Variants in ELFN1 observed in about 807,000 individuals in gnomAD.
ELFN1 encodes protein ELFN1.
ELFN1 carries 6 observed loss-of-function variants against 7.6 expected under a neutral mutation model. The ratio of observed to expected loss-of-function variants is 0.79; its 90% confidence interval spans 0.43 to 1.56. ELFN1 has a LOEUF of 1.56. ELFN1 is among the 40% of genes most tolerant of loss of function. The pLI is 0.01. For missense variants in ELFN1, 1,169 were observed against 1,232.2 expected (o/e 0.95, Z 0.77); for synonymous variants, 657 against 588.1 (o/e 1.12, Z -1.70).
At chr7:1,702,015 C>T (rs1235458699) in intron 2 of ELFN1, among the ~76,000 whole-genome samples, 1 of 152,064 alleles carries the variant, frequency 6.6e-6, no homozygotes, top group African/African-American at 2.4e-5. Flanking sequence ...TTAAGGGCTG[C>T]CTCTTGGGTC....
rs2128605405 is a variant in ELFN1 at position 1,744,324 on chromosome 7, G to A, written c.-273G>A. The A allele has an allele frequency of 2.2e-6, 1 of 448,306 alleles. No homozygotes were observed. The highest frequency in any genetic ancestry group is 5.7e-4 in the Middle Eastern group (1 of 1,746). 27.8% of individuals were successfully genotyped at this position (448,306 alleles called of 1,614,324 possible). The stretch of plus-strand genomic sequence containing the variant: ...TGCAGCAGGAACGTCGGAGCAGGAG[G>A]AGTCAGTGGAGCCATCAGGACACCC... On this transcript the variant is annotated 5_prime_UTR_variant, in exon 4 of 4. Coordinates refer to ENST00000424383, the MANE Select transcript of ELFN1 (RefSeq NM_001128636.4).
In ELFN1 at chr7:1,739,827, C is replaced by A. The variant is rs758054116; in HGVS notation, c.-293-4477C>A. On this transcript the variant is annotated intron_variant, in intron 3 of 3. Transcript: ENST00000424383. The surrounding 1 kb of genome is among the most constrained non-coding windows in gnomAD (Gnocchi z 4.6). ...CTCAGAGGGCCCGAGGGGGGACGCC[C>A]GGTGGGGCGGGGCTGAGGATGGAAG... 1.3e-5 allele frequency among the ~76,000 whole-genome samples: 2 copies of A among 151,966 alleles called. No individual in the cohort carries two copies. Among genetic ancestry groups the A allele is most frequent in the Non-Finnish European group, 2.9e-5 (2 of 67,988 alleles).
In ELFN1 at chr7:1,746,031, G is replaced by A. The variant is rs536488472; in HGVS notation, c.1435G>A (p.Gly479Ser). The A allele has an allele frequency of 7.1e-6, 11 of 1,545,674 alleles. No individual in the cohort carries two copies. Among genetic ancestry groups the A allele is most frequent in the Non-Finnish European group, 9.6e-6 (11 of 1,144,188 alleles). Residue 479 changes from glycine to serine, a missense_variant, in exon 4 of 4, where the codon GGC becomes AGC. Physicochemically the swap from Gly to Ser is moderately conservative, Grantham distance 56. This residue lies in a region of ELFN1 where 914 missense variants were observed against 872.6 expected (regional missense o/e 1.05). Coordinates refer to ENST00000424383, the MANE Select transcript of ELFN1 (RefSeq NM_001128636.4). ...GTACGGGCCAGAGCTGGAGGCGCCC[G>A]GCCTGGCCCCGCTGTCCCAGGGCCC... ...LKYGPELEAP[G>S]LAPLSQGPLL...
chr7:1,694,778 C>T (rs747845069), intron 2 of ELFN1, among the ~76,000 whole-genome samples: 1 of 152,252 alleles, frequency 6.6e-6, no homozygotes, highest in Non-Finnish European at 1.5e-5. Context: ...CTTAGACTGA[C>T]TCTGAGGGCT....
chr7:1,676,945 T>C (rs552008617), intron 1 of ELFN1, among the ~76,000 whole-genome samples: 2 of 151,270 alleles, frequency 1.3e-5, no homozygotes, highest in African/African-American at 4.9e-5. Context: ...GGAGAAAGGG[T>C]TTTTAAGGGC....
At chr7:1,718,834 C>G (rs1325540635) in intron 3 of ELFN1, among the ~76,000 whole-genome samples, 4 of 152,172 alleles carry the variant, frequency 2.6e-5, no homozygotes, top group Non-Finnish European at 4.4e-5. Context: ...TGGACCTCAG[C>G]TGTGACCTCT....
At chr7:1,701,134 CATGTGTGTGT>C (rs887972831) in intron 2 of ELFN1, among the ~76,000 whole-genome samples, 2 of 150,562 alleles carry the variant, frequency 1.3e-5, no homozygotes, top group Non-Finnish European at 3.0e-5. Context: ...CCTGTGTGTG[CATGTGTGTGT>C]GTGGTGCACG....
Position 1,746,437 on chromosome 7 carries a change from C to A in ELFN1, c.1841C>A (p.Pro614His). Residue 614 changes from proline (P) to histidine (H), a missense_variant, in exon 4 of 4, where the codon CCC becomes CAC. Around this residue, in one of 2 missense-constraint regions of ELFN1, gnomAD observed 914 missense variants for 872.6 expected, o/e 1.05. Transcript: ENST00000424383. Reference sequence around the variant, plus strand: ...GCCGCCAAGCACGGCTTCCTGGCGCCCGGGTACAAGGACGCCTTCGGCCAC... The same window carrying A: ...GCCGCCAAGCACGGCTTCCTGGCGCACGGGTACAAGGACGCCTTCGGCCAC... ...PLAAKHGFLA[P>H]GYKDAFGHSL... is the part of the protein sequence containing the mutation. 6.5e-7 allele frequency: 1 copy of A among 1,531,102 alleles called. No individual in the cohort carries two copies. The highest frequency in any genetic ancestry group is 8.8e-7 in the Non-Finnish European group (1 of 1,141,992). 94.8% of individuals were successfully genotyped at this position (1,531,102 alleles called of 1,614,324 possible). A position where few individuals can be genotyped will look rare whatever the true frequency, so the allele number is the denominator to read the frequency against.
At position 1,745,927 on chromosome 7, in the gene ELFN1, G is replaced by T; in HGVS notation, c.1331G>T (p.Arg444Leu). The change falls in exon 4 of 4, where the codon CGG becomes CTG. Residue 444 changes from arginine (R) to leucine (L), a missense_variant. This residue lies in a region of ELFN1 where 914 missense variants were observed against 872.6 expected (regional missense o/e 1.05). Transcript: ENST00000424383. ...GAVYYCLRRR[R>L]RQEEKHKKAA... The stretch of plus-strand genomic sequence containing the variant: ...GTCTACTACTGCCTGCGCAGGCGGC[G>T]GCGCCAGGAGGAGAAGCACAAGAAG... 1.3e-6 allele frequency: 2 copies of T among 1,563,854 alleles called. No homozygotes were observed. Among genetic ancestry groups the T allele is most frequent in the Non-Finnish European group, 1.7e-6 (2 of 1,156,308 alleles).
At position 1,738,302 on chromosome 7, in the gene ELFN1, A is replaced by T. The variant is rs1780507934; in HGVS notation, c.-293-6002A>T. Among the ~76,000 whole-genome samples the T allele has an allele frequency of 2.0e-5, 3 of 152,210 alleles. 1 individual carries two copies. ...CACTGAAGCTGGTACGGATGTGCACAGACCGATGAGACCTGGCGGGGTATG... is the reference window on the plus strand; with the variant it reads ...CACTGAAGCTGGTACGGATGTGCACTGACCGATGAGACCTGGCGGGGTATG... On this transcript the variant is annotated intron_variant, in intron 3 of 3. Coordinates refer to ENST00000424383, the MANE Select transcript of ELFN1 (RefSeq NM_001128636.4).
At chr7:1,738,467 G>A (rs1036648887) in intron 3 of ELFN1, among the ~76,000 whole-genome samples, 2 of 152,126 alleles carry the variant, frequency 1.3e-5, no homozygotes, top group East Asian at 1.9e-4. Context: ...GCCGGGTGTC[G>A]TGACATACAC....
At chr7:1,696,638 TCA>T (rs1779319913) in intron 2 of ELFN1, among the ~76,000 whole-genome samples, 1 of 152,084 alleles carries the variant, frequency 6.6e-6, no homozygotes, top group Non-Finnish European at 1.5e-5. Flanking sequence ...CCTGGCTCAA[TCA>T]GTCCTCCTGC....
rs757431354 is a variant in ELFN1 at position 1,747,263 on chromosome 7, C to T, written c.*180C>T. 3.6e-5 allele frequency: 22 copies of T among 607,340 alleles called. No individual in the cohort carries two copies. Among genetic ancestry groups the T allele is most frequent in the Non-Finnish European group, 4.3e-5 (17 of 395,170 alleles). The allele number at this position is 607,340 out of a possible 1,614,324, so 37.6% of individuals were successfully genotyped here. A position where few individuals can be genotyped will look rare whatever the true frequency, so the allele number is the denominator to read the frequency against. On this transcript the variant is annotated 3_prime_UTR_variant, in exon 4 of 4. Coordinates refer to ENST00000424383, the MANE Select transcript of ELFN1 (RefSeq NM_001128636.4). ...GGGACACGTCCCGAGCTCCTGTGGC[C>T]GGTCCTGGGATGCGCTTGTCGCCCC...
At chr7:1,676,935 G>A (rs1049880058) in intron 1 of ELFN1, among the ~76,000 whole-genome samples, 3 of 152,172 alleles carry the variant, frequency 2.0e-5, no homozygotes, top group Non-Finnish European at 2.9e-5. Context: ...TGATGTCGAC[G>A]GAGAAAGGGT....
In ELFN1 at chr7:1,705,013, C is replaced by T. The variant is rs1321925693; in HGVS notation, c.-455-4078C>T. Among the ~76,000 whole-genome samples, 1 of 152,110 alleles carries T rather than the reference C, an allele frequency of 6.6e-6. No homozygotes were observed. The highest frequency in any genetic ancestry group is 1.9e-4 in the East Asian group (1 of 5,170). On this transcript the variant is annotated intron_variant, in intron 2 of 3. Transcript: ENST00000424383. The surrounding 1 kb of genome is among the most constrained non-coding windows in gnomAD (Gnocchi z 4.3). ...AGCCTGGGTGGGTCTGCGAGAGGCT[C>T]CCAGGCAGAGGGCACAGCAAGTGCA... is the stretch of plus-strand genomic sequence containing the variant.
At chr7:1,741,978 A>G (rs572281873) in intron 3 of ELFN1, among the ~76,000 whole-genome samples, 95 of 147,212 alleles carry the variant, frequency 6.5e-4, no homozygotes, top group African/African-American at 2.1e-3. Context: ...ACACACACAC[A>G]GACAACCTGG....
intron 1 of ELFN1, among the ~76,000 whole-genome samples, chr7:1,672,635 G>T (rs193269757): frequency 1.1e-3 from 160 of 152,182 alleles, no homozygotes; most frequent in Non-Finnish European, 1.9e-3. Context: ...CAACACACAC[G>T]CATCAGCTCT....
intron 2 of ELFN1, chr7:1,692,195 A>G (rs936343367): frequency 9.2e-5 from 14 of 152,266 alleles, no homozygotes; most frequent in African/African-American, 2.9e-4. Context: ...CTGTGTGCCA[A>G]GTAGCACTCC....
At chr7:1,672,459 C>A (rs1778785788) in intron 1 of ELFN1, among the ~76,000 whole-genome samples, 1 of 151,992 alleles carries the variant, frequency 6.6e-6, no homozygotes, top group Admixed American at 6.6e-5. Context: ...GTCTCGGACC[C>A]CGGCATTTGA....
Sources: gnomAD v4.1 joint callset for allele counts (sites outside exome capture counted in the v4.1 genomes callset) on GRCh38, gnomAD v4.1.1 for gene constraint, gnomAD v4.1.1 regional missense constraint, Gnocchi (gnomAD v3.1) non-coding constraint, MANE v1.5 for transcripts, NCBI Gene and HGNC (gene_info 2026-07-23, HGNC 2026-07-21) for gene names.